The following MRPL45 variants were observed in gnomAD, a reference collection of about 807,000 sequenced individuals.
MRPL45 encodes the protein mitochondrial ribosomal protein L45.
In MRPL45, 20 loss-of-function variants were observed where a neutral mutation model predicts 38.1. That is an observed-to-expected ratio of 0.53 (90% CI 0.37 to 0.76). The LOEUF (loss-of-function observed/expected upper bound fraction) is 0.76. Ranked by LOEUF, MRPL45 falls within the 30% of genes least tolerant of loss-of-function variation. The pLI is 0.00. For missense variants in MRPL45, 337 were observed against 395.6 expected, an observed-to-expected ratio of 0.85 and a Z score of 1.26; for synonymous variants, 105 against 128.8, an observed-to-expected ratio of 0.82 and a Z score of 1.25.
intron 3 of MRPL45, among the ~76,000 whole-genome samples, chr17:38,304,199 G>A (rs1011388543): frequency 1.4e-4 from 21 of 152,334 alleles, no homozygotes; most frequent in African/African-American, 4.8e-4. Flanking sequence ...GTCTGGGCAT[G>A]GTGGGTCATG....
chr17:38,312,248 G>A (rs1350922437), intron 4 of MRPL45, among the ~76,000 whole-genome samples: 1 of 152,020 alleles, frequency 6.6e-6, no homozygotes, highest in African/African-American at 2.4e-5. Context: ...GGTTCACCAT[G>A]TTGGCCAGGC....
intron 4 of MRPL45, among the ~76,000 whole-genome samples, chr17:38,308,860 T>C (rs2037080084): frequency 1.4e-5 from 2 of 141,606 alleles, no homozygotes; most frequent in Non-Finnish European, 3.0e-5. Flanking sequence ...AGAAATTAAC[T>C]TTTTTTTTTT....
At chr17:38,298,708 T>G (rs2144197010) in intron 2 of MRPL45, 82 bp downstream of exon 2, 1 of 1,476,378 alleles carries the variant, frequency 6.8e-7, no homozygotes, top group South Asian at 1.2e-5. Context: ...CTATGATTGA[T>G]AATATTTAAT....
At chr17:38,319,777 A>C (rs900379344) in intron 5 of MRPL45, among the ~76,000 whole-genome samples, 2 of 152,166 alleles carry the variant, frequency 1.3e-5, no homozygotes, top group Admixed American at 1.3e-4. Context: ...CCCCAAGGAT[A>C]AGAACTTTGT....
intron 2 of MRPL45, 42 bp from the exon 3 acceptor site, chr17:38,299,309 A>C (rs1185595396): frequency 5.1e-6 from 7 of 1,377,902 alleles, no homozygotes; most frequent in Non-Finnish European, 6.0e-6. Context: ...GTTTTTCTCA[A>C]TCTTTCAACA....
intron 4 of MRPL45, among the ~76,000 whole-genome samples, chr17:38,310,686 C>G (rs1019590818): frequency 6.6e-6 from 1 of 152,092 alleles, no homozygotes; most frequent in African/African-American, 2.4e-5. Context: ...AGTACAGTGG[C>G]TCGATCATGG....
chr17:38,315,846 C>T (rs978544150), intron 4 of MRPL45, among the ~76,000 whole-genome samples: 2 of 151,614 alleles, frequency 1.3e-5, no homozygotes, highest in African/African-American at 4.9e-5. Flanking sequence ...GATCTCGGCT[C>T]ATTGCAGCCT....
chr17:38,302,486 C>A (rs1306009402), intron 3 of MRPL45, among the ~76,000 whole-genome samples: 503 of 55,648 alleles, frequency 9.0e-3, no homozygotes, highest in African/African-American at 0.016. Flanking sequence ...GACTCCATCT[C>A]AAAAAAAAAA....
chr17:38,308,548 C>A (rs2037076613), intron 4 of MRPL45, among the ~76,000 whole-genome samples: 1 of 151,950 alleles, frequency 6.6e-6, no homozygotes, highest in Non-Finnish European at 1.5e-5. Flanking sequence ...TCAAGCAATT[C>A]TCCTGCCTTA....
chr17:38,322,670 T>C lies in MRPL45; in HGVS notation c.*75T>C. ...GCTTTGAAGTCTCCCATTCCCCTCA[T>C]GCTATAAAAAGAACTACCTTTGTTC... On this transcript the variant is annotated 3_prime_UTR_variant, in exon 8 of 8. Transcript: ENST00000613675. 1 of 1,159,166 alleles carries C rather than the reference T, an allele frequency of 8.6e-7. No individual in the cohort carries two copies. The highest frequency in any genetic ancestry group is 1.3e-6 in the Non-Finnish European group (1 of 797,506). 71.8% of individuals were successfully genotyped at this position (1,159,166 alleles called of 1,614,324 possible).
chr17:38,311,251 G>A (rs1040968138), intron 4 of MRPL45, among the ~76,000 whole-genome samples: 3 of 152,078 alleles, frequency 2.0e-5, no homozygotes, highest in African/African-American at 7.2e-5. Flanking sequence ...CTGATGCTAT[G>A]GTCTGAATGT....
chr17:38,309,330 T>C (rs1329160984), intron 4 of MRPL45, among the ~76,000 whole-genome samples: 1 of 149,400 alleles, frequency 6.7e-6, no homozygotes, highest in South Asian at 2.2e-4. Context: ...GCCTGGCCAA[T>C]GTGGTGAAAC....
intron 6 of MRPL45, 110 bp downstream of exon 6, chr17:38,320,877 T>G: frequency 9.8e-7 from 1 of 1,018,832 alleles, no homozygotes; most frequent in East Asian, 2.4e-5. Flanking sequence ...TAATAAAAGG[T>G]ACACTGTGAT....
intron 4 of MRPL45, among the ~76,000 whole-genome samples, chr17:38,307,471 C>G (rs2144214986): frequency 6.6e-6 from 1 of 152,164 alleles, no homozygotes; most frequent in East Asian, 1.9e-4. Context: ...TCAAGTAGAG[C>G]TGGGACCACC....
intron 4 of MRPL45, among the ~76,000 whole-genome samples, chr17:38,312,395 C>T (rs2037121769): frequency 6.6e-6 from 1 of 152,066 alleles, no homozygotes; most frequent in African/African-American, 2.4e-5. Flanking sequence ...TATGTATATA[C>T]ACCACATTTT....
intron 4 of MRPL45, among the ~76,000 whole-genome samples, chr17:38,314,853 A>G (rs1429475067): frequency 6.6e-6 from 1 of 152,242 alleles, no homozygotes; most frequent in East Asian, 1.9e-4. Flanking sequence ...TTGCAGAAAT[A>G]GAGAAACACA....
intron 4 of MRPL45, among the ~76,000 whole-genome samples, chr17:38,314,797 G>A (rs142220166): frequency 0.026 from 3,948 of 152,318 alleles, 168 homozygotes; most frequent in African/African-American, 0.091. Context: ...CTCCCAAAGC[G>A]TTGGGATTAC....
chr17:38,318,237 G>T (rs939620026), intron 4 of MRPL45, among the ~76,000 whole-genome samples: 3 of 149,698 alleles, frequency 2.0e-5, no homozygotes, highest in Non-Finnish European at 4.4e-5. Flanking sequence ...AAAGATATAA[G>T]GCCAAGCCAG....
rs564777775 is a variant in MRPL45 at position 38,298,765 on chromosome 17, A to G, written c.244+139A>G. On this transcript the variant is annotated intron_variant, in intron 2 of 7. Coordinates refer to ENST00000613675, the MANE Select transcript of MRPL45 (RefSeq NM_032351.6). ...CTCAATAATGATTAACCTTATATAC[A>G]CTATATATCATGAAGTTGTTCTTTG... is the stretch of plus-strand genomic sequence containing the variant. 5.0e-5 allele frequency: 55 copies of G among 1,101,752 alleles called. No homozygotes were observed. The East Asian group carries it at 1.3e-3, about 25-fold the overall frequency. 68.2% of individuals were successfully genotyped at this position (1,101,752 alleles called of 1,614,324 possible).
Sources: allele counts gnomAD v4.1 joint callset (sites outside exome capture counted in the v4.1 genomes callset), GRCh38; gene constraint gnomAD v4.1.1; transcripts MANE v1.5; gene names NCBI Gene and HGNC (gene_info 2026-07-23, HGNC 2026-07-21).